The following TGM5 variants were observed in gnomAD, a reference collection of about 807,000 sequenced individuals.
TGM5 encodes transglutaminase 5.
In TGM5, 69 loss-of-function variants were observed where a neutral mutation model predicts 77.2. That is an observed-to-expected ratio of 0.89 (90% CI 0.74 to 1.09). The LOEUF (loss-of-function observed/expected upper bound fraction) is 1.09. Among genes scored for constraint, TGM5 ranks in the 50% least tolerant of loss-of-function variants. The pLI, the probability that TGM5 is intolerant of heterozygous loss-of-function variation, is 0.00. For missense variants in TGM5, 842 were observed against 896.5 expected, an observed-to-expected ratio of 0.94 and a Z score of 0.78; for synonymous variants, 346 against 351.8, an observed-to-expected ratio of 0.98 and a Z score of 0.18.
At chr15:43,261,760 A>C (rs774326031) in intron 1 of TGM5, among the ~76,000 whole-genome samples, 2 of 152,110 alleles carry the variant, frequency 1.3e-5, no homozygotes, top group African/African-American at 2.4e-5. Flanking sequence ...CCACATTCAC[A>C]TAATTCCAAC....
intron 6 of TGM5, among the ~76,000 whole-genome samples, chr15:43,249,185 C>T (rs901326029): frequency 6.6e-6 from 1 of 152,196 alleles, no homozygotes; most frequent in African/African-American, 2.4e-5. Context: ...CTGTCCCCTA[C>T]CCCACTTCCA....
intron 6 of TGM5, among the ~76,000 whole-genome samples, chr15:43,244,601 A>T (rs1476108563): frequency 6.6e-6 from 1 of 152,246 alleles, no homozygotes; most frequent in Non-Finnish European, 1.5e-5. Flanking sequence ...CTGCATTCTC[A>T]GCATTAGTAA....
chr15:43,253,865 G>A (rs1321102444), intron 4 of TGM5, among the ~76,000 whole-genome samples: 4 of 152,100 alleles, frequency 2.6e-5, no homozygotes, highest in African/African-American at 4.8e-5. Flanking sequence ...CCTTCACTCC[G>A]AGATGACTAT....
At chr15:43,264,551 T>C (rs2042812308) in intron 1 of TGM5, among the ~76,000 whole-genome samples, 1 of 152,220 alleles carries the variant, frequency 6.6e-6, no homozygotes, top group African/African-American at 2.4e-5. Context: ...TTATATGAAA[T>C]GTCCAGAATA....
At position 43,253,501 on chromosome 15, in the gene TGM5, C is replaced by T; in HGVS notation, c.684+5G>A. 1 of 1,611,266 alleles carries T rather than the reference C, an allele frequency of 6.2e-7. No individual in the cohort carries two copies. The highest frequency in any genetic ancestry group is 8.5e-7 in the Non-Finnish European group (1 of 1,180,008). ...CTCCCTCCCCGGGCACGCCAGGGAC[C>T]TCACCATGGCACACACCACTCTGCT... On this transcript the variant is annotated splice_donor_5th_base_variant and intron_variant, in intron 5 of 12. Coordinates refer to ENST00000220420, the MANE Select transcript of TGM5 (RefSeq NM_201631.4).
intron 6 of TGM5, among the ~76,000 whole-genome samples, chr15:43,243,602 G>T (rs2042653502): frequency 6.6e-6 from 1 of 152,182 alleles, no homozygotes; most frequent in South Asian, 2.1e-4. Flanking sequence ...CAGAAGTCAT[G>T]CACATACATG....
intron 3 of TGM5, among the ~76,000 whole-genome samples, chr15:43,259,791 T>C (rs974911483): frequency 3.3e-5 from 5 of 152,386 alleles, no homozygotes; most frequent in Non-Finnish European, 4.4e-5. Context: ...TGAAGGTAGA[T>C]GTTATTCACG....
rs1596454844 is a variant in TGM5 at position 43,266,749 on chromosome 15, C to G, written c.10+91G>C. ...CAGTTCTGTATTTACTTCTTTATTT[C>G]TCTGAATCCACCCTCCACCCCTTGA... On this transcript the variant is annotated intron_variant, in intron 1 of 12. Transcript: ENST00000220420. The G allele has an allele frequency of 4.6e-6, 7 of 1,519,288 alleles. No individual in the cohort carries two copies. The East Asian group carries it at 6.8e-5, about 15-fold the overall frequency. 94.1% of individuals were successfully genotyped at this position (1,519,288 alleles called of 1,614,324 possible).
At chr15:43,257,423 G>A (rs1449804694) in intron 3 of TGM5, among the ~76,000 whole-genome samples, 5 of 152,168 alleles carry the variant, frequency 3.3e-5, no homozygotes, top group South Asian at 4.1e-4. Flanking sequence ...ACACATATAC[G>A]TGCTGCCCAT....
At chr15:43,248,486 A>G (rs1382139872) in intron 6 of TGM5, among the ~76,000 whole-genome samples, 2 of 152,174 alleles carry the variant, frequency 1.3e-5, no homozygotes, top group Non-Finnish European at 2.9e-5. Context: ...CAACTTTTGA[A>G]TAAGACCCAG....
intron 3 of TGM5, among the ~76,000 whole-genome samples, chr15:43,258,854 TGAGA>T (rs145440957): frequency 6.7e-6 from 1 of 149,648 alleles, no homozygotes; most frequent in South Asian, 2.1e-4. Context: ...CAGAAGGCCC[TGAGA>T]GAGAGAGAGA....
At chr15:43,261,097 T>TGTTTTTTG (rs1566837536) in intron 1 of TGM5, among the ~76,000 whole-genome samples, 2 of 97,458 alleles carry the variant, frequency 2.1e-5, no homozygotes, top group African/African-American at 1.0e-4. Context: ...TTTTTTTTTT[T>TGTTTTTTG]TTTTTTTTTT....
intron 5 of TGM5, among the ~76,000 whole-genome samples, 156 bp downstream of exon 5, chr15:43,253,350 G>A (rs1048063278): frequency 2.0e-5 from 3 of 152,208 alleles, no homozygotes; most frequent in African/African-American, 4.8e-5. Context: ...TTCAGAGCTC[G>A]GCTGAGAAAA....
intron 5 of TGM5, 86 bp downstream of exon 5, chr15:43,253,420 T>C (rs1282316137): frequency 1.3e-6 from 2 of 1,581,264 alleles, no homozygotes; most frequent in South Asian, 2.2e-5. Context: ...AGGGTCCCTC[T>C]TTCACCCACT....
chr15:43,250,335 A>G (rs1188563402), intron 6 of TGM5, among the ~76,000 whole-genome samples: 1 of 152,180 alleles, frequency 6.6e-6, no homozygotes, highest in Non-Finnish European at 1.5e-5. Context: ...CAATAATCCT[A>G]TGAGGTAGGT....
chr15:43,259,949 G>T (rs1033212830), intron 3 of TGM5, 103 bp downstream of exon 3: 19 of 1,550,884 alleles, frequency 1.2e-5, no homozygotes, highest in Non-Finnish European at 1.5e-5. Context: ...AATTGAGGAG[G>T]CTCTGGGTGG....
intron 2 of TGM5, 49 bp from the exon 3 acceptor site, chr15:43,260,346 C>G: frequency 1.2e-6 from 2 of 1,614,126 alleles, no homozygotes; most frequent in African/African-American, 1.3e-5. Flanking sequence ...TCCAAACCCC[C>G]GAAAATCCCC....
In TGM5 at chr15:43,232,924, A is replaced by G. The variant is rs2042556723; in HGVS notation, c.*267T>C. On this transcript the variant is annotated 3_prime_UTR_variant, in exon 13 of 13. Coordinates refer to ENST00000220420, the MANE Select transcript of TGM5 (RefSeq NM_201631.4). ...GGATGCTGGAGTCTCCTATTCATTC[A>G]TTCAAAAAATATTTGTTGAGTGCCT... The G allele has an allele frequency of 2.1e-6, 1 of 473,124 alleles. No individual in the cohort carries two copies. Among genetic ancestry groups the G allele is most frequent in the Non-Finnish European group, 3.9e-6 (1 of 259,586 alleles). The allele number at this position is 473,124 out of a possible 1,614,324, so 29.3% of individuals were successfully genotyped here. A position where few individuals can be genotyped will look rare whatever the true frequency, so the allele number is the denominator to read the frequency against.
At chr15:43,240,618 T>C (rs1032639448) in intron 7 of TGM5, among the ~76,000 whole-genome samples, 5 of 151,624 alleles carry the variant, frequency 3.3e-5, no homozygotes, top group African/African-American at 1.2e-4. Flanking sequence ...CAGAACACTC[T>C]TATGATATGA....
Sources: allele counts gnomAD v4.1 joint callset (sites outside exome capture counted in the v4.1 genomes callset), GRCh38; gene constraint gnomAD v4.1.1; transcripts MANE v1.5; gene names NCBI Gene and HGNC (gene_info 2026-07-23, HGNC 2026-07-21).